Variants in OTUD7A observed in about 807,000 individuals in gnomAD.
OTUD7A encodes OTU deubiquitinase 7A.
OTUD7A carries 12 observed loss-of-function variants against 65.7 expected under a neutral mutation model. That is an observed-to-expected ratio of 0.18 (90% CI 0.12 to 0.30). OTUD7A has a LOEUF of 0.30. Among genes scored for constraint, OTUD7A ranks in the 10% least tolerant of loss-of-function variants. The pLI is 1.00. For synonymous variants in OTUD7A, 641 were observed against 586.3 expected, an observed-to-expected ratio of 1.09 and a Z score of -1.35; for missense variants, 1,148 against 1,304.8, an observed-to-expected ratio of 0.88 and a Z score of 1.85.
chr15:31,597,526 A>G (rs1889942544), intron 3 of OTUD7A, among the ~76,000 whole-genome samples: 1 of 151,966 alleles, frequency 6.6e-6, no homozygotes, highest in Non-Finnish European at 1.5e-5. Context: ...CCTTTGTTGA[A>G]AAGACTTTCC....
chr15:31,729,697 C>T (rs565196692), intron 1 of OTUD7A, among the ~76,000 whole-genome samples: 2 of 152,258 alleles, frequency 1.3e-5, no homozygotes, highest in Admixed American at 1.3e-4. Flanking sequence ...CACATGCATG[C>T]CCTGAGGTCA....
chr15:31,507,274 T>C (rs1315313155), intron 8 of OTUD7A, among the ~76,000 whole-genome samples: 1 of 152,064 alleles, frequency 6.6e-6, no homozygotes, highest in Admixed American at 6.6e-5. Flanking sequence ...AAGGTGGAGG[T>C]GGTGACAGAA....
intron 1 of OTUD7A, among the ~76,000 whole-genome samples, chr15:31,794,397 C>A (rs984639434): frequency 6.6e-6 from 1 of 150,586 alleles, no homozygotes; most frequent in African/African-American, 2.4e-5. Context: ...GTTCCTATCA[C>A]ATGAAGCAGA....
chr15:31,703,304 T>C (rs1456325353), intron 1 of OTUD7A, among the ~76,000 whole-genome samples: 1 of 152,172 alleles, frequency 6.6e-6, no homozygotes. Flanking sequence ...GACCAGCTAC[T>C]GACTGGGAGA....
At chr15:31,669,964 C>T (rs931799982) in intron 1 of OTUD7A, among the ~76,000 whole-genome samples, 1 of 143,404 alleles carries the variant, frequency 7.0e-6, no homozygotes, top group African/African-American at 2.8e-5. Flanking sequence ...CTCCCTTTTC[C>T]ACTTCCGCAG....
chr15:31,686,953 G>A (rs1295142095), intron 1 of OTUD7A, among the ~76,000 whole-genome samples: 16 of 152,172 alleles, frequency 1.1e-4, no homozygotes, highest in Admixed American at 1.0e-3. Flanking sequence ...CAATGTTTTT[G>A]AAGACTCAGT....
chr15:31,583,538 A>G (rs1324699296), intron 3 of OTUD7A, among the ~76,000 whole-genome samples: 1 of 151,978 alleles, frequency 6.6e-6, no homozygotes, highest in East Asian at 1.9e-4. Context: ...TTTCCCCCAT[A>G]CTGTTCTCAT....
chr15:31,577,198 C>T (rs1354272431), intron 3 of OTUD7A, among the ~76,000 whole-genome samples: 2 of 152,106 alleles, frequency 1.3e-5, no homozygotes, highest in Admixed American at 6.5e-5. Flanking sequence ...TCTCCATTAA[C>T]GCAGCTAGCA....
chr15:31,545,704 C>T (rs564164090), intron 5 of OTUD7A, among the ~76,000 whole-genome samples: 6 of 152,220 alleles, frequency 3.9e-5, no homozygotes, highest in African/African-American at 1.4e-4. Context: ...GTGGATACTC[C>T]TACACTTCCA....
intron 3 of OTUD7A, among the ~76,000 whole-genome samples, chr15:31,639,255 CA>C (rs1891440985): frequency 6.6e-6 from 1 of 152,066 alleles, no homozygotes; most frequent in Admixed American, 6.5e-5. Flanking sequence ...AGTGGAATTG[CA>C]CAATATGTAG....
chr15:31,592,959 ATATG>A (rs1889791609), intron 3 of OTUD7A, among the ~76,000 whole-genome samples: 2 of 107,810 alleles, frequency 1.9e-5, no homozygotes, highest in Admixed American at 8.9e-5. Context: ...GTGTATATAT[ATATG>A]TATATATATA....
intron 8 of OTUD7A, among the ~76,000 whole-genome samples, chr15:31,514,251 A>G (rs1261916698): frequency 1.3e-5 from 2 of 151,842 alleles, no homozygotes; most frequent in Admixed American, 6.6e-5. Flanking sequence ...GGGTCTCGCT[A>G]TGTTGCCAAG....
rs143487909 is a variant in OTUD7A, at chr15:31,781,897, G to A, written c.-100+88610C>T. Reference sequence around the variant, plus strand: ...GAAAGATTCTTAAACGTGGAATCGTGGGAGACTGAGTATTAGATTTCAGGA... The same window carrying A: ...GAAAGATTCTTAAACGTGGAATCGTAGGAGACTGAGTATTAGATTTCAGGA... On this transcript the variant is annotated intron_variant, in intron 1 of 12. Transcript: ENST00000307050. 6.8e-3 allele frequency among the ~76,000 whole-genome samples: 1,036 copies of A among 152,300 alleles called. 5 individuals carry two copies. The highest frequency in any genetic ancestry group is 0.01 in the Non-Finnish European group (694 of 68,022).
chr15:31,570,442 T>TACACACACACACAC (rs57517466), intron 3 of OTUD7A, among the ~76,000 whole-genome samples: 1 of 143,218 alleles, frequency 7.0e-6, no homozygotes, highest in Non-Finnish European at 1.5e-5. Context: ...TTTAGGTTCA[T>TACACACACACACAC]ACACACACAC....
chr15:31,526,662 G>C (rs1164049489), intron 7 of OTUD7A, among the ~76,000 whole-genome samples: 2 of 152,222 alleles, frequency 1.3e-5, no homozygotes, highest in Non-Finnish European at 2.9e-5. Flanking sequence ...TCTAATTCCA[G>C]AGCTGCTGGG....
rs2141015932 is a variant in OTUD7A, at chr15:31,860,680, T to TATATATATATATATAC, written c.-100+9826_-100+9827insGTATATATATATATAT. On this transcript the variant is annotated intron_variant, in intron 1 of 12. Coordinates refer to ENST00000307050, the MANE Select transcript of OTUD7A (RefSeq NM_001382637.1). ...GTGTATATATAGATGTATGTGTGTATATATATATATATATATATATGTATG... is the reference window on the plus strand; with the variant it reads ...GTGTATATATAGATGTATGTGTGTATATATATATATATATACATATATATATATATATATATGTATG... Among the ~76,000 whole-genome samples the TATATATATATATATAC allele has an allele frequency of 2.5e-5, 3 of 121,102 alleles. No individual in the cohort carries two copies. The East Asian group carries it at 7.3e-4, about 29-fold the overall frequency. 79.4% of individuals were successfully genotyped at this position (121,102 alleles called of 152,430 possible). A position where few individuals can be genotyped will look rare whatever the true frequency, so the allele number is the denominator to read the frequency against.
intron 1 of OTUD7A, among the ~76,000 whole-genome samples, chr15:31,805,964 A>C (rs1896259312): frequency 6.6e-6 from 1 of 152,242 alleles, no homozygotes. Context: ...TATTTAAAAC[A>C]CATTTTAAGG....
intron 5 of OTUD7A, among the ~76,000 whole-genome samples, chr15:31,534,557 T>A (rs1260265759): frequency 6.6e-6 from 1 of 152,078 alleles, no homozygotes; most frequent in Non-Finnish European, 1.5e-5. Context: ...GCCAGTGAAA[T>A]AAGTCAAGAG....
chr15:31,529,513 A>G (rs1393668219), intron 6 of OTUD7A, among the ~76,000 whole-genome samples: 1 of 152,114 alleles, frequency 6.6e-6, no homozygotes, highest in Non-Finnish European at 1.5e-5. Context: ...TTTTCTCACC[A>G]TGGTGAATGT....
Sources: allele counts gnomAD v4.1 joint callset (sites outside exome capture counted in the v4.1 genomes callset), GRCh38; gene constraint gnomAD v4.1.1; transcripts MANE v1.5; gene names NCBI Gene and HGNC (gene_info 2026-07-23, HGNC 2026-07-21).